PTGES: variants seen among roughly 807,000 people sequenced by gnomAD.
The protein encoded by PTGES is prostaglandin E synthase, also known as MGST1-like 1.
PTGES carries 3 observed loss-of-function variants against 11.8 expected under a neutral mutation model. The ratio of observed to expected loss-of-function variants is 0.25; its 90% CI spans 0.12 to 0.66. PTGES has a LOEUF of 0.66. PTGES is among the 30% of genes least tolerant of loss of function. The pLI is 0.82. For synonymous variants in PTGES, 94 were observed against 90.4 expected (o/e 1.04, Z -0.22); for missense variants, 180 against 213.0 (o/e 0.85, Z 0.96).
chr9:129,739,645 A>G lies in PTGES; in HGVS notation c.425T>C (p.Leu142Pro). The change falls in exon 3 of 3, where the codon CTG (leucine) becomes CCG (proline). Residue 142 changes from leucine (L) to proline (P), a missense_variant. By Grantham distance (98) the Leu-to-Pro change is moderately conservative (BLOSUM62 -3). Coordinates refer to ENST00000340607, the MANE Select transcript of PTGES (RefSeq NM_004878.5). This position sits in a 1 kb window ranked among gnomAD's most constrained non-coding sequence, Gnocchi z 5.7. ...LAQLPCASMA[L>P]QILWEAARHL is the part of the protein sequence containing the mutation. Reference sequence around the variant, plus strand: ...GCGGGCCGCTTCCCAGAGGATCTGCAGAGCCATGGAGGCGCAGGGGAGCTG... The same window carrying G: ...GCGGGCCGCTTCCCAGAGGATCTGCGGAGCCATGGAGGCGCAGGGGAGCTG... 1.3e-6 allele frequency: 2 copies of G among 1,553,706 alleles called. No individual in the cohort carries two copies. The highest frequency in any genetic ancestry group is 8.7e-7 in the Non-Finnish European group (1 of 1,148,426).
chr9:129,750,746 C>A (rs961130045), intron 1 of PTGES, among the ~76,000 whole-genome samples: 1 of 152,186 alleles, frequency 6.6e-6, no homozygotes, highest in African/African-American at 2.4e-5. Context: ...ATTCTCCTGG[C>A]GCTGCTGTCA....
chr9:129,741,488 G>C (rs977129915), intron 2 of PTGES, among the ~76,000 whole-genome samples: 1 of 152,160 alleles, frequency 6.6e-6, no homozygotes, highest in African/African-American at 2.4e-5. Context: ...TCCTGACCTT[G>C]CAACCCAGAC....
In PTGES at chr9:129,738,410, AACACACAC is replaced by A. The variant is rs71385459; in HGVS notation, c.*1193_*1200del. ...ATCTCAGGTCACGGGTCTAGGAGAA[AACACACAC>A]ACACACACACACACACACACACACA... On this transcript the variant is annotated 3_prime_UTR_variant, in exon 3 of 3. Transcript: ENST00000340607. This position sits in a 1 kb window ranked among gnomAD's most constrained non-coding sequence, Gnocchi z 4.2. 0.091 allele frequency: 12,560 copies of A among 138,310 alleles called. 793 individuals carry two copies. The highest frequency in any genetic ancestry group is 0.18 in the African/African-American group (6,642 of 37,068). The allele number at this position is 138,310 out of a possible 1,614,324, so 8.6% of individuals were successfully genotyped here. A position where few individuals can be genotyped will look rare whatever the true frequency, so the allele number is the denominator to read the frequency against.
chr9:129,752,328 G>C (rs1833120315), intron 1 of PTGES, among the ~76,000 whole-genome samples: 1 of 152,234 alleles, frequency 6.6e-6, no homozygotes, highest in Non-Finnish European at 1.5e-5. Flanking sequence ...CCCCGGCCCA[G>C]CTCTGGGACT....
chr9:129,746,083 G>A (rs190529936), intron 2 of PTGES, among the ~76,000 whole-genome samples: 7 of 150,980 alleles, frequency 4.6e-5, no homozygotes, highest in East Asian at 3.9e-4. Context: ...GGCGCCACCC[G>A]GGTCTATCGT....
chr9:129,741,118 G>A (rs867162890), intron 2 of PTGES, among the ~76,000 whole-genome samples: 19 of 152,188 alleles, frequency 1.2e-4, no homozygotes, highest in African/African-American at 3.9e-4. Flanking sequence ...GCTCTGCAGC[G>A]TGCCTGGGGT....
chr9:129,741,680 C>T (rs192996210), intron 2 of PTGES, among the ~76,000 whole-genome samples: 1,551 of 151,976 alleles, frequency 0.01, 13 homozygotes, highest in Middle Eastern at 0.048. Flanking sequence ...CCAAGGCGGG[C>T]GGATTACCTG....
chr9:129,744,960 G>A (rs1833037209), intron 2 of PTGES, among the ~76,000 whole-genome samples: 1 of 152,112 alleles, frequency 6.6e-6, no homozygotes, highest in Non-Finnish European at 1.5e-5. Context: ...TTCTGCTGTG[G>A]TGCTTATTAG....
chr9:129,748,560 C>G, intron 2 of PTGES, 95 bp downstream of exon 2: 1 of 961,102 alleles, frequency 1.0e-6, no homozygotes, highest in Non-Finnish European at 1.5e-6. Flanking sequence ...AAACCTCAGC[C>G]CCTGGGAGTC....
chr9:129,752,339 C>T lies in PTGES; in HGVS notation c.126+548G>A, dbSNP rs550339552. Among the ~76,000 whole-genome samples the T allele has an allele frequency of 2.6e-5, 4 of 152,284 alleles. No homozygotes were observed. The East Asian group carries it at 5.8e-4, about 22-fold the overall frequency. On this transcript the variant is annotated intron_variant, in intron 1 of 2. Transcript: ENST00000340607. Reference sequence around the variant, plus strand: ...CTTGCCCCGGCCCAGCTCTGGGACTCGTTAATGTTGTTTTGGTTCAGGGGC... The same window carrying T: ...CTTGCCCCGGCCCAGCTCTGGGACTTGTTAATGTTGTTTTGGTTCAGGGGC...
At chr9:129,742,358 CA>C (rs1415259887) in intron 2 of PTGES, among the ~76,000 whole-genome samples, 1 of 133,958 alleles carries the variant, frequency 7.5e-6, no homozygotes, top group Admixed American at 7.4e-5. Context: ...AAACATAAAA[CA>C]AAACAAAAAT....
At chr9:129,751,818 T>A (rs781444079) in intron 1 of PTGES, among the ~76,000 whole-genome samples, 1 of 152,044 alleles carries the variant, frequency 6.6e-6, no homozygotes, top group African/African-American at 2.4e-5. Flanking sequence ...CTATGGCGCC[T>A]CCCCTGCCCT....
At chr9:129,749,018 G>A (rs911713149) in intron 1 of PTGES, among the ~76,000 whole-genome samples, 5 of 152,204 alleles carry the variant, frequency 3.3e-5, no homozygotes, top group African/African-American at 4.8e-5. Context: ...AAGAAGGCAC[G>A]GCTGGCCTTG....
At chr9:129,751,810 A>G (rs565840476) in intron 1 of PTGES, among the ~76,000 whole-genome samples, 11 of 152,142 alleles carry the variant, frequency 7.2e-5, no homozygotes, top group Non-Finnish European at 1.6e-4. Flanking sequence ...CAGGATGACT[A>G]TGGCGCCTCC....
chr9:129,741,934 A>C (rs1042973368), intron 2 of PTGES, among the ~76,000 whole-genome samples: 2 of 151,914 alleles, frequency 1.3e-5, no homozygotes, highest in African/African-American at 4.8e-5. Context: ...AATAAAAGAG[A>C]GGGAGAAACC....
intron 2 of PTGES, among the ~76,000 whole-genome samples, 186 bp downstream of exon 2, chr9:129,748,469 C>T (rs1042924850): frequency 6.6e-6 from 1 of 152,184 alleles, no homozygotes; most frequent in Non-Finnish European, 1.5e-5. Context: ...TGAGTCATGA[C>T]CACGTCTTAC....
intron 2 of PTGES, among the ~76,000 whole-genome samples, chr9:129,747,650 CAG>C (rs1470730900): frequency 6.6e-6 from 1 of 152,072 alleles, no homozygotes; most frequent in Non-Finnish European, 1.5e-5. Flanking sequence ...GCTCCCACAC[CAG>C]TAGTGGGACA....
chr9:129,740,007 C>G, intron 2 of PTGES, 147 bp from the exon 3 acceptor site: 2 of 1,037,154 alleles, frequency 1.9e-6, no homozygotes, highest in Non-Finnish European at 2.8e-6. Context: ...ACAGCCAGGT[C>G]AAGGAGATGG....
In PTGES at chr9:129,738,802, G is replaced by A. The variant is rs2130948060; in HGVS notation, c.*809C>T. 6.6e-6 allele frequency: 1 copy of A among 152,386 alleles called. No homozygotes were observed. Among genetic ancestry groups the A allele is most frequent in the East Asian group, 1.9e-4 (1 of 5,174 alleles). 9.4% of individuals were successfully genotyped at this position (152,386 alleles called of 1,614,324 possible). On this transcript the variant is annotated 3_prime_UTR_variant, in exon 3 of 3. Coordinates refer to ENST00000340607, the MANE Select transcript of PTGES (RefSeq NM_004878.5). This position sits in a 1 kb window ranked among gnomAD's most constrained non-coding sequence, Gnocchi z 4.2. ...ACAGAGAACTGGCAGGGGTCCCCTGGCCTGGCCATCACAGGGACTCACATG... is the reference window on the plus strand; with the variant it reads ...ACAGAGAACTGGCAGGGGTCCCCTGACCTGGCCATCACAGGGACTCACATG...
Sources: allele counts gnomAD v4.1 joint callset (sites outside exome capture counted in the v4.1 genomes callset), GRCh38; gene constraint gnomAD v4.1.1; non-coding constraint Gnocchi (gnomAD v3.1); transcripts MANE v1.5; gene names NCBI Gene and HGNC (gene_info 2026-07-23, HGNC 2026-07-21).